Variants in TXNL1 observed in about 807,000 individuals in gnomAD.
TXNL1 encodes thioredoxin like 1.
TXNL1 carries 14 observed loss-of-function variants against 35.5 expected under a neutral mutation model. The ratio of observed to expected loss-of-function variants is 0.39; its 90% CI spans 0.26 to 0.62. The LOEUF (loss-of-function observed/expected upper bound fraction) is 0.62, where lower values mean the gene tolerates loss of function less well. Among genes scored for constraint, TXNL1 ranks in the 20% least tolerant of loss-of-function variants. The pLI is 0.47. For synonymous variants in TXNL1, 110 were observed against 115.5 expected (o/e 0.95, Z 0.31); for missense variants, 263 against 349.7 (o/e 0.75, Z 1.98).
At chr18:56,631,204 CTG>C (rs1257496607) in intron 1 of TXNL1, among the ~76,000 whole-genome samples, 1 of 152,178 alleles carries the variant, frequency 6.6e-6, no homozygotes, top group Non-Finnish European at 1.5e-5. Context: ...CATAAGATGT[CTG>C]TCTCCTTAAC....
chr18:56,620,334 G>A (rs553735422), intron 3 of TXNL1, among the ~76,000 whole-genome samples: 16 of 152,306 alleles, frequency 1.1e-4, no homozygotes, highest in Admixed American at 3.3e-4. Context: ...ATTCATAATT[G>A]AAACTGGTCT....
chr18:56,626,270 T>G, intron 2 of TXNL1, 91 bp downstream of exon 2: 2 of 1,529,368 alleles, frequency 1.3e-6, no homozygotes, highest in Non-Finnish European at 1.8e-6. Flanking sequence ...ATAAGTACTA[T>G]GTGCATCAAG....
intron 3 of TXNL1, 136 bp from the exon 4 acceptor site, chr18:56,618,262 A>G: frequency 2.2e-6 from 2 of 905,636 alleles, no homozygotes; most frequent in South Asian, 1.9e-5. Context: ...CTTTTACAGT[A>G]GTCCTTTCAT....
intron 7 of TXNL1, among the ~76,000 whole-genome samples, chr18:56,607,161 T>TTGTGTGTGTGTGTGTGTG (rs112495608): frequency 5.8e-4 from 80 of 137,610 alleles, no homozygotes; most frequent in African/African-American, 2.1e-3. Context: ...CTGGGTAATT[T>TTGTGTGTGTGTGTGTGTG]TGTGTGTGTG....
intron 3 of TXNL1, among the ~76,000 whole-genome samples, chr18:56,620,036 T>C (rs949468574): frequency 1.3e-5 from 2 of 152,196 alleles, no homozygotes; most frequent in African/African-American, 2.4e-5. Flanking sequence ...TGGTGTTATC[T>C]TGGCTCACTG....
At chr18:56,619,443 CAGG>C (rs2024144838) in intron 3 of TXNL1, among the ~76,000 whole-genome samples, 1 of 146,682 alleles carries the variant, frequency 6.8e-6, no homozygotes, top group African/African-American at 2.5e-5. Flanking sequence ...GAAGCTGAGG[CAGG>C]AGAACTTCTT....
At chr18:56,622,454 T>C (rs2024204384) in intron 3 of TXNL1, among the ~76,000 whole-genome samples, 1 of 152,172 alleles carries the variant, frequency 6.6e-6, no homozygotes, top group African/African-American at 2.4e-5. Context: ...AATGGTATCA[T>C]CGTTATATAA....
In TXNL1 at chr18:56,638,539, GAGGCCTGGACAGA is replaced by G; in HGVS notation, c.-112_-100del. The G allele has an allele frequency of 7.7e-7, 1 of 1,292,082 alleles. No individual in the cohort carries two copies. Among genetic ancestry groups the G allele is most frequent in the Non-Finnish European group, 1.1e-6 (1 of 940,246 alleles). The allele number at this position is 1,292,082 out of a possible 1,614,324, so 80.0% of individuals were successfully genotyped here. A position where few individuals can be genotyped will look rare whatever the true frequency, so the allele number is the denominator to read the frequency against. ...GGAAGGAGAGATGCTCAGGAAGGCC[GAGGCCTGGACAGA>G]AGAGGTGGCGACCGCCGAGTCTTCT... On this transcript the variant is annotated 5_prime_UTR_variant, in exon 1 of 8. Coordinates refer to ENST00000217515, the MANE Select transcript of TXNL1 (RefSeq NM_004786.3).
chr18:56,613,412 AT>A (rs2024028648), intron 6 of TXNL1, among the ~76,000 whole-genome samples: 1 of 152,120 alleles, frequency 6.6e-6, no homozygotes, highest in African/African-American at 2.4e-5. Context: ...TCAATGCTAA[AT>A]TTTTTAAAAG....
At chr18:56,627,601 T>A (rs143496513) in intron 1 of TXNL1, among the ~76,000 whole-genome samples, 2 of 152,286 alleles carry the variant, frequency 1.3e-5, no homozygotes, top group East Asian at 1.9e-4. Context: ...CATACAGTAC[T>A]CTGATGTCTG....
chr18:56,619,109 G>A (rs1402752353), intron 3 of TXNL1, among the ~76,000 whole-genome samples: 2 of 151,246 alleles, frequency 1.3e-5, no homozygotes, highest in Admixed American at 6.6e-5. Context: ...AGCTAATTGG[G>A]AGGCTGAGCT....
At chr18:56,624,528 C>G (rs144530608) in intron 2 of TXNL1, 67 bp from the exon 3 acceptor site, 1 of 1,485,210 alleles carries the variant, frequency 6.7e-7, no homozygotes, top group East Asian at 2.3e-5. Context: ...TCATTCTACA[C>G]CTTTATGGAA....
chr18:56,631,937 AG>A lies in TXNL1; in HGVS notation c.99-5481del, dbSNP rs2024378770. 4.6e-5 allele frequency among the ~76,000 whole-genome samples: 7 copies of A among 151,092 alleles called. No homozygotes were observed. The East Asian group carries it at 1.2e-3, about 25-fold the overall frequency. On this transcript the variant is annotated intron_variant, in intron 1 of 7. Transcript: ENST00000217515. ...CTCTGTCTCAAAAAAAAAAAAAAAA[AG>A]GAACCCACAAAACTAAAACTTTAAA...
chr18:56,620,927 G>A (rs924389330), intron 3 of TXNL1, among the ~76,000 whole-genome samples: 4 of 152,096 alleles, frequency 2.6e-5, no homozygotes, highest in Non-Finnish European at 4.4e-5. Context: ...TAAAAGATGG[G>A]GAGGGAAGAA....
At chr18:56,622,075 C>T (rs950619109) in intron 3 of TXNL1, among the ~76,000 whole-genome samples, 3 of 149,006 alleles carry the variant, frequency 2.0e-5, no homozygotes, top group Non-Finnish European at 4.4e-5. Context: ...CAATATGATA[C>T]TCATTAGCCA....
At chr18:56,622,248 T>C (rs1000104588) in intron 3 of TXNL1, among the ~76,000 whole-genome samples, 2 of 151,612 alleles carry the variant, frequency 1.3e-5, no homozygotes, top group African/African-American at 4.8e-5. Context: ...TGGAAAACCA[T>C]GACAGAAAAA....
Position 56,602,867 on chromosome 18 carries a change from C to CAG in TXNL1, c.*159_*160insCT. 1.3e-6 allele frequency: 1 copy of CAG among 793,002 alleles called. No individual in the cohort carries two copies. The highest frequency in any genetic ancestry group is 2.1e-6 in the Non-Finnish European group (1 of 487,730). 49.1% of individuals were successfully genotyped at this position (793,002 alleles called of 1,614,324 possible). ...GACTTTTATTTACAATTGCATGTGTCAAGATTACAATGGAAACACTAGTGA... is the reference window on the plus strand; with the variant it reads ...GACTTTTATTTACAATTGCATGTGTCAGAAGATTACAATGGAAACACTAGTGA... On this transcript the variant is annotated 3_prime_UTR_variant, in exon 8 of 8. Transcript: ENST00000217515.
At chr18:56,604,710 C>T (rs2023860742) in intron 7 of TXNL1, among the ~76,000 whole-genome samples, 1 of 152,182 alleles carries the variant, frequency 6.6e-6, no homozygotes, top group Admixed American at 6.5e-5. Context: ...TTTGAGCTCA[C>T]TTGGGCAAAA....
chr18:56,615,565 T>C (rs929030788), intron 5 of TXNL1, among the ~76,000 whole-genome samples: 1 of 151,768 alleles, frequency 6.6e-6, no homozygotes. Flanking sequence ...AAAAAAATGA[T>C]ACTATTAATA....
Sources: allele counts gnomAD v4.1 joint callset (sites outside exome capture counted in the v4.1 genomes callset), GRCh38; gene constraint gnomAD v4.1.1; transcripts MANE v1.5; gene names NCBI Gene and HGNC (gene_info 2026-07-23, HGNC 2026-07-21).